The following TNPO1 variants were observed in gnomAD, a reference collection of about 807,000 sequenced individuals.
TNPO1 encodes the protein transportin 1, also known as transportin-1.
A neutral mutation model predicts 119.5 loss-of-function variants in TNPO1; 8 were observed. The observed-to-expected ratio is 0.07, with a 90% CI of 0.04 to 0.12. The LOEUF (loss-of-function observed/expected upper bound fraction) is 0.12. TNPO1 is among the 10% of genes least tolerant of loss of function. TNPO1 has a pLI of 1.00. For missense variants in TNPO1, 576 were observed against 1,089.8 expected (o/e 0.53, Z 6.64); for synonymous variants, 362 against 363.0 (o/e 1.00, Z 0.03).
chr5:72,877,136 A>C, intron 8 of TNPO1, 92 bp from the exon 9 acceptor site: 1 of 647,490 alleles, frequency 1.5e-6, no homozygotes, highest in Non-Finnish European at 2.5e-6. Flanking sequence ...GTTGAAAACC[A>C]TAAGGTCAAA....
At chr5:72,834,255 TTAC>T (rs1744596943) in intron 1 of TNPO1, among the ~76,000 whole-genome samples, 1 of 152,242 alleles carries the variant, frequency 6.6e-6, no homozygotes, top group African/African-American at 2.4e-5. Flanking sequence ...GTTCATGTAT[TTAC>T]TATATTATTG....
At chr5:72,890,347 G>A (rs373772636) in intron 14 of TNPO1, among the ~76,000 whole-genome samples, 21 of 152,082 alleles carry the variant, frequency 1.4e-4, no homozygotes, top group Admixed American at 7.9e-4. Flanking sequence ...CAGCAGGTAC[G>A]GGGAGTATAC....
intron 3 of TNPO1, among the ~76,000 whole-genome samples, chr5:72,853,330 A>G (rs1197744137): frequency 6.6e-6 from 1 of 152,174 alleles, no homozygotes; most frequent in Non-Finnish European, 1.5e-5. Context: ...TGGTCCCGCT[A>G]CTCAGGAGGC....
chr5:72,852,440 T>G (rs1304861890), intron 3 of TNPO1, among the ~76,000 whole-genome samples: 1 of 152,186 alleles, frequency 6.6e-6, no homozygotes, highest in African/African-American at 2.4e-5. Flanking sequence ...TCTCATAGCA[T>G]TATTTGGGTA....
intron 1 of TNPO1, among the ~76,000 whole-genome samples, chr5:72,821,878 C>T (rs1398163858): frequency 6.6e-6 from 1 of 152,076 alleles, no homozygotes; most frequent in Non-Finnish European, 1.5e-5. Flanking sequence ...GTTCAGGGGC[C>T]CTGAAAGGTA....
At chr5:72,881,116 T>G (rs940322413) in intron 9 of TNPO1, among the ~76,000 whole-genome samples, 3 of 151,988 alleles carry the variant, frequency 2.0e-5, no homozygotes, top group African/African-American at 4.8e-5. Flanking sequence ...CTTTTTTTTA[T>G]TATTATTATT....
At chr5:72,854,411 T>G (rs981679968) in intron 3 of TNPO1, among the ~76,000 whole-genome samples, 2 of 152,174 alleles carry the variant, frequency 1.3e-5, no homozygotes, top group African/African-American at 4.8e-5. Context: ...CCATTCAGAG[T>G]TTGGGAACAT....
chr5:72,887,180 G>C lies in TNPO1; in HGVS notation c.1261G>C (p.Val421Leu). 1.2e-6 allele frequency: 2 copies of C among 1,613,430 alleles called. No individual in the cohort carries two copies. The highest frequency in any genetic ancestry group is 1.7e-6 in the Non-Finnish European group (2 of 1,179,588). ...KELLFHHEWV[V>L]KESGILVLGA... ...ATTACTTTTTCATCATGAATGGGTTGTTAAAGAATCAGGCATTTTGGTTTT... is the reference window on the plus strand; with the variant it reads ...ATTACTTTTTCATCATGAATGGGTTCTTAAAGAATCAGGCATTTTGGTTTT... The change falls in exon 12 of 25, where the codon GTT (valine) becomes CTT (leucine). Residue 421 changes from valine to leucine, a missense_variant. By Grantham distance (32) the Val-to-Leu change is conservative. Coordinates refer to ENST00000337273, the MANE Select transcript of TNPO1 (RefSeq NM_002270.4).
intron 9 of TNPO1, among the ~76,000 whole-genome samples, chr5:72,881,914 C>T (rs1413118931): frequency 1.3e-5 from 2 of 152,062 alleles, no homozygotes; most frequent in Non-Finnish European, 2.9e-5. Flanking sequence ...AGTTTTTTGT[C>T]TTCAAAAAAC....
At chr5:72,868,505 T>C (rs1393739846) in intron 6 of TNPO1, among the ~76,000 whole-genome samples, 1 of 145,576 alleles carries the variant, frequency 6.9e-6, no homozygotes, top group African/African-American at 2.6e-5. Context: ...ATGGGGTAGA[T>C]AAACATTCTG....
At chr5:72,827,728 G>A (rs1235992282) in intron 1 of TNPO1, among the ~76,000 whole-genome samples, 1 of 152,024 alleles carries the variant, frequency 6.6e-6, no homozygotes, top group Non-Finnish European at 1.5e-5. Flanking sequence ...AGCCTGGGCA[G>A]CATAGGGAGA....
At chr5:72,900,854 A>G (rs1561360222) in intron 21 of TNPO1, 120 bp from the exon 22 acceptor site, 2 of 548,510 alleles carry the variant, frequency 3.6e-6, no homozygotes, top group East Asian at 3.4e-5. Context: ...TTTCCGAAAA[A>G]CTCTTTTAAT....
At chr5:72,876,694 A>G (rs1747803696) in intron 8 of TNPO1, among the ~76,000 whole-genome samples, 1 of 152,206 alleles carries the variant, frequency 6.6e-6, no homozygotes, top group Admixed American at 6.5e-5. Context: ...ATCATAAAAA[A>G]ACTACACAGA....
At chr5:72,846,315 A>G (rs913089701) in intron 1 of TNPO1, among the ~76,000 whole-genome samples, 10 of 152,276 alleles carry the variant, frequency 6.6e-5, no homozygotes, top group African/African-American at 2.2e-4. Context: ...CTCAAGACCA[A>G]TGTGCATCTA....
chr5:72,848,572 G>C, intron 2 of TNPO1, 74 bp downstream of exon 2: 1 of 882,774 alleles, frequency 1.1e-6, no homozygotes, highest in Non-Finnish European at 1.5e-6. Context: ...GCGGCCGGGG[G>C]CTCCCGTCGC....
At chr5:72,829,947 T>C (rs1331069448) in intron 1 of TNPO1, among the ~76,000 whole-genome samples, 3 of 152,140 alleles carry the variant, frequency 2.0e-5, no homozygotes, top group African/African-American at 4.8e-5. Flanking sequence ...GTCTGTGTCA[T>C]CCTTCCCTTG....
chr5:72,856,203 A>G (rs763421520), intron 4 of TNPO1, among the ~76,000 whole-genome samples: 5 of 152,056 alleles, frequency 3.3e-5, no homozygotes, highest in Non-Finnish European at 7.4e-5. Flanking sequence ...TGCGGACACT[A>G]CTTTTTCTTG....
At position 72,886,982 on chromosome 5, in the gene TNPO1, A is replaced by T. The variant is rs1748699980; in HGVS notation, c.1151-88A>T. 6.0e-6 allele frequency: 7 copies of T among 1,175,690 alleles called. No individual in the cohort carries two copies. The Admixed American group carries it at 7.9e-5, about 13-fold the overall frequency. 72.8% of individuals were successfully genotyped at this position (1,175,690 alleles called of 1,614,324 possible). On this transcript the variant is annotated intron_variant, in intron 11 of 24. Coordinates refer to ENST00000337273, the MANE Select transcript of TNPO1 (RefSeq NM_002270.4). ...TTCTTATTTTAAAACTCCGTATTAG[A>T]GATACGAATAAAATGTTACATATAC...
At chr5:72,835,000 A>G (rs946291328) in intron 1 of TNPO1, among the ~76,000 whole-genome samples, 1 of 152,210 alleles carries the variant, frequency 6.6e-6, no homozygotes, top group African/African-American at 2.4e-5. Context: ...AGTATTCAGT[A>G]CAGCAACATG....
Sources: gnomAD v4.1 joint callset for allele counts (sites outside exome capture counted in the v4.1 genomes callset) on GRCh38, gnomAD v4.1.1 for gene constraint, MANE v1.5 for transcripts, NCBI Gene and HGNC (gene_info 2026-07-23, HGNC 2026-07-21) for gene names.